Variants in PLEKHG4B observed in about 807,000 individuals in gnomAD.
The protein encoded by PLEKHG4B is pleckstrin homology and RhoGEF domain containing G4B, also known as pleckstrin homology domain-containing family G member 4B.
PLEKHG4B carries 111 observed loss-of-function variants against 121.3 expected under a neutral mutation model. The ratio of observed to expected loss-of-function variants is 0.92; its 90% confidence interval spans 0.78 to 1.07. PLEKHG4B has a LOEUF of 1.07. PLEKHG4B is among the 50% of genes least tolerant of loss of function. PLEKHG4B has a pLI of 0.00. For synonymous variants in PLEKHG4B, 738 were observed against 725.0 expected (o/e 1.02, Z -0.29); for missense variants, 1,831 against 1,757.8 (o/e 1.04, Z -0.74).
chr5:156,735 G>A lies in PLEKHG4B; in HGVS notation c.2349-38G>A. 6.5e-7 allele frequency: 1 copy of A among 1,529,388 alleles called. No individual in the cohort carries two copies. Among genetic ancestry groups the A allele is most frequent in the Non-Finnish European group, 8.8e-7 (1 of 1,133,514 alleles). The allele number at this position is 1,529,388 out of a possible 1,614,324, so 94.7% of individuals were successfully genotyped here. ...TCACCAAGAGCAGATTCCTCAAGGG[G>A]CCGCCTGGAAGCCTGAGGACTGCCT... On this transcript the variant is annotated intron_variant, in intron 10 of 19. Transcript: ENST00000637938. This position sits in a 1 kb window ranked among gnomAD's most constrained non-coding sequence, Gnocchi z 4.4.
intron 7 of PLEKHG4B, among the ~76,000 whole-genome samples, chr5:153,719 T>G (rs140578986): frequency 6.6e-6 from 1 of 152,340 alleles, no homozygotes; most frequent in African/African-American, 2.4e-5. Context: ...AAGATCAAGC[T>G]GTATTGCTGA....
chr5:105,004 G>A (rs1168158586), intron 1 of PLEKHG4B, among the ~76,000 whole-genome samples: 1 of 152,026 alleles, frequency 6.6e-6, no homozygotes, highest in Non-Finnish European at 1.5e-5. Context: ...AGTGGGTGAG[G>A]GCTGTTCTGG....
At chr5:109,872 A>T (rs539313291) in intron 1 of PLEKHG4B, among the ~76,000 whole-genome samples, 1 of 152,218 alleles carries the variant, frequency 6.6e-6, no homozygotes, top group African/African-American at 2.4e-5. Context: ...GCTCTGCAGC[A>T]CACGTGCACA....
chr5:102,300 T>G (rs888044201), intron 1 of PLEKHG4B, among the ~76,000 whole-genome samples: 1 of 152,178 alleles, frequency 6.6e-6, no homozygotes, highest in Non-Finnish European at 1.5e-5. Flanking sequence ...ATTATTGTTA[T>G]GAGTATAATT....
At chr5:94,118 G>C (rs1733555232) in intron 1 of PLEKHG4B, among the ~76,000 whole-genome samples, 1 of 152,226 alleles carries the variant, frequency 6.6e-6, no homozygotes, top group Admixed American at 6.5e-5. Flanking sequence ...GCATCTCACT[G>C]CCAAGAAGCA....
chr5:165,007 C>T (rs1462002868), intron 13 of PLEKHG4B, among the ~76,000 whole-genome samples: 2 of 74,616 alleles, frequency 2.7e-5, no homozygotes, highest in African/African-American at 9.5e-5. Context: ...CGGGGCAGGG[C>T]TCACAGTAAT....
In PLEKHG4B at chr5:182,053, C is replaced by T. The variant is rs1482480153; in HGVS notation, c.4614C>T (p.Ala1538=). Residue 1538 remains alanine, a synonymous_variant, in exon 20 of 20, where the codon GCC becomes GCT. Transcript: ENST00000637938. The part of the protein sequence containing the change: ...STAVSSSDHA[A]PFKRPHSTIS... The stretch of plus-strand genomic sequence containing the variant: ...CGGTGTCCTCCTCTGACCACGCCGC[C>T]CCCTTCAAGCGACCACACTCCACCA... The T allele has an allele frequency of 1.9e-6, 3 of 1,614,040 alleles. No homozygotes were observed. The highest frequency in any genetic ancestry group is 2.5e-6 in the Non-Finnish European group (3 of 1,180,034).
At chr5:111,015 G>A (rs949516836) in intron 1 of PLEKHG4B, among the ~76,000 whole-genome samples, 2 of 152,336 alleles carry the variant, frequency 1.3e-5, no homozygotes, top group African/African-American at 4.8e-5. Context: ...TCCTCTGTCC[G>A]TACACTGCAC....
intron 13 of PLEKHG4B, among the ~76,000 whole-genome samples, chr5:164,575 GCTCACACAGTAATGCTGTGACGGAGCGGA>G: frequency 1.0e-5 from 1 of 100,208 alleles, no homozygotes; most frequent in African/African-American, 5.1e-5. Context: ...AGGGGGCGGA[GCTCACACAGTAATGCTGTGACGGAGCGGA>G]GCTCACAGTA....
chr5:178,942 A>G (rs963721696), intron 18 of PLEKHG4B, among the ~76,000 whole-genome samples: 6 of 152,236 alleles, frequency 3.9e-5, no homozygotes, highest in African/African-American at 1.4e-4. Flanking sequence ...ATGCTTATAA[A>G]TAGCTGTTAT....
intron 2 of PLEKHG4B, among the ~76,000 whole-genome samples, chr5:133,941 C>CACACACACACACACACACACACAT (rs34900477): frequency 8.2e-5 from 12 of 146,288 alleles, no homozygotes; most frequent in African/African-American, 2.8e-4. Flanking sequence ...CACACACACA[C>CACACACACACACACACACACACAT]ATATATATAT....
At position 182,277 on chromosome 5, in the gene PLEKHG4B, G is replaced by T; in HGVS notation, c.4838G>T (p.Cys1613Phe). Residue 1613 changes from cysteine (C) to phenylalanine (F), a missense_variant, in exon 20 of 20, where the codon TGT (cysteine) becomes TTT (phenylalanine). By Grantham distance (205) the Cys-to-Phe change is radical. Coordinates refer to ENST00000637938, the MANE Select transcript of PLEKHG4B (RefSeq NM_052909.5). ...ELETGTQAAV[C>F]EGAPAVLLSR... The stretch of plus-strand genomic sequence containing the variant: ...GAGACGGGCACCCAGGCTGCAGTGT[G>T]TGAGGGGGCTCCTGCTGTGCTGCTG... 3 of 1,612,732 alleles carry T rather than the reference G, an allele frequency of 1.9e-6. No homozygotes were observed. The highest frequency in any genetic ancestry group is 2.5e-6 in the Non-Finnish European group (3 of 1,179,888).
chr5:140,227 C>G lies in PLEKHG4B; in HGVS notation c.988C>G (p.Leu330Val). 1 of 1,403,698 alleles carries G rather than the reference C, an allele frequency of 7.1e-7. No homozygotes were observed. The highest frequency in any genetic ancestry group is 9.5e-7 in the Non-Finnish European group (1 of 1,056,996). 87.0% of individuals were successfully genotyped at this position (1,403,698 alleles called of 1,614,324 possible). ...CAAGGCCCTCACCTTCCACACAGAC[C>G]TGGGCATCCCGAGCAGCAGGAGGCG... ...RPKALTFHTDLGIPSSRRRPP... is the reference protein window; with the variant it reads ...RPKALTFHTDVGIPSSRRRPP... Residue 330 changes from leucine to valine, a missense_variant, in exon 3 of 20, where the codon CTG becomes GTG. Transcript: ENST00000637938.
chr5:174,848 G>A (rs1253105299), intron 18 of PLEKHG4B, among the ~76,000 whole-genome samples: 1 of 152,106 alleles, frequency 6.6e-6, no homozygotes, highest in Non-Finnish European at 1.5e-5. Context: ...CTAACAAAAG[G>A]TCAGAAATGA....
Position 171,135 on chromosome 5 carries a change from C to T in PLEKHG4B, c.3819+3C>T, listed in dbSNP as rs767096157. 10 of 1,612,336 alleles carry T rather than the reference C, an allele frequency of 6.2e-6. No individual in the cohort carries two copies. Among genetic ancestry groups the T allele is most frequent in the South Asian group, 1.1e-5 (1 of 90,872 alleles). The stretch of plus-strand genomic sequence containing the variant: ...GCCATGGCAACGCCTTCTTCAAGGT[C>T]ATCCCCCTCGGCCCGCCCCCCACAG... On this transcript the variant is annotated splice_donor_region_variant and intron_variant, in intron 15 of 19. Coordinates refer to ENST00000637938, the MANE Select transcript of PLEKHG4B (RefSeq NM_052909.5).
In PLEKHG4B at chr5:188,562, G is replaced by A. The variant is rs1012095556; in HGVS notation, c.*6239G>A. On this transcript the variant is annotated 3_prime_UTR_variant, in exon 20 of 20. Coordinates refer to ENST00000637938, the MANE Select transcript of PLEKHG4B (RefSeq NM_052909.5). Reference sequence around the variant, plus strand: ...CCACACCGCGTGTGAAATGACGAGAGCTTTTGTGTCACACATGTAGCTGCT... The same window carrying A: ...CCACACCGCGTGTGAAATGACGAGAACTTTTGTGTCACACATGTAGCTGCT... The A allele has an allele frequency of 6.0e-5, 9 of 151,220 alleles. No individual in the cohort carries two copies. The highest frequency in any genetic ancestry group is 2.2e-4 in the African/African-American group (9 of 41,428). 9.4% of individuals were successfully genotyped at this position (151,220 alleles called of 1,614,324 possible).
At chr5:151,398 G>C in intron 6 of PLEKHG4B, 115 bp from the exon 7 acceptor site, 1 of 606,620 alleles carries the variant, frequency 1.6e-6, no homozygotes, top group Non-Finnish European at 2.8e-6. Context: ...TTTATGCACT[G>C]TAGGCACTCT....
intron 11 of PLEKHG4B, among the ~76,000 whole-genome samples, chr5:160,295 T>C (rs1735950779): frequency 6.6e-6 from 1 of 152,240 alleles, no homozygotes; most frequent in Non-Finnish European, 1.5e-5. Context: ...CTCCCCATGT[T>C]GAACATCTCT....
At chr5:171,780 A>G (rs1736561783) in intron 16 of PLEKHG4B, among the ~76,000 whole-genome samples, 1 of 152,212 alleles carries the variant, frequency 6.6e-6, no homozygotes, top group South Asian at 2.1e-4. Context: ...CTGTATTTAA[A>G]ACAGGTGGAC....
Sources: gnomAD v4.1 joint callset for allele counts (sites outside exome capture counted in the v4.1 genomes callset) on GRCh38, gnomAD v4.1.1 for gene constraint, Gnocchi (gnomAD v3.1) non-coding constraint, MANE v1.5 for transcripts, NCBI Gene and HGNC (gene_info 2026-07-23, HGNC 2026-07-21) for gene names.